DIP2C: variants seen among roughly 807,000 people sequenced by gnomAD.
DIP2C encodes the protein DIP2 acetate--CoA ligase C (putative).
Under a neutral mutation model 192.4 loss-of-function variants are expected in DIP2C, and 33 were observed. That is an observed-to-expected ratio of 0.17 (90% CI 0.13 to 0.23). DIP2C has a LOEUF of 0.23. Ranked by LOEUF, DIP2C falls within the 10% of genes least tolerant of loss-of-function variation. The pLI, the probability that DIP2C is intolerant of heterozygous loss-of-function variation, is 1.00. For synonymous variants in DIP2C, 979 were observed against 864.1 expected (o/e 1.13, Z -2.33); for missense variants, 1,537 against 2,110.1 (o/e 0.73, Z 5.32).
chr10:605,544 C>A (rs1270331066), intron 1 of DIP2C, among the ~76,000 whole-genome samples: 1 of 152,152 alleles, frequency 6.6e-6, no homozygotes, highest in Admixed American at 6.5e-5. Flanking sequence ...CAGCTTAAGC[C>A]GAATCTGTGA....
At chr10:668,278 TA>T (rs1857234930) in intron 1 of DIP2C, 1 of 150,558 alleles carries the variant, frequency 6.6e-6, no homozygotes, top group Non-Finnish European at 1.5e-5. Context: ...TCATACAACA[TA>T]CAACATATAA....
rs538846819 is a variant in DIP2C, at chr10:405,214, C to T, written c.1149+3712G>A. On this transcript the variant is annotated intron_variant, in intron 9 of 36. Coordinates refer to ENST00000280886, the MANE Select transcript of DIP2C (RefSeq NM_014974.3). ...TCCCCACGGCCAGACGGCGATCAGC[C>T]CTCTCCCGAGAAGCACCTCGTGTCT... is the stretch of plus-strand genomic sequence containing the variant. Among the ~76,000 whole-genome samples the T allele has an allele frequency of 2.6e-5, 4 of 152,224 alleles. No homozygotes were observed. The South Asian group carries it at 8.3e-4, about 32-fold the overall frequency.
intron 1 of DIP2C, among the ~76,000 whole-genome samples, chr10:538,010 G>A (rs1847786241): frequency 1.3e-5 from 2 of 152,070 alleles, no homozygotes; most frequent in Admixed American, 6.5e-5. Context: ...ATCTGGTCTT[G>A]AACTCCTGGC....
At chr10:498,984 C>A (rs187748402) in intron 1 of DIP2C, among the ~76,000 whole-genome samples, 1 of 152,220 alleles carries the variant, frequency 6.6e-6, no homozygotes, top group South Asian at 2.1e-4. Context: ...ACTGCTGACT[C>A]GGAGAACAAC....
At chr10:359,354 G>C (rs901430238) in intron 22 of DIP2C, among the ~76,000 whole-genome samples, 1 of 152,136 alleles carries the variant, frequency 6.6e-6, no homozygotes, top group Non-Finnish European at 1.5e-5. Context: ...GAGAAGGCAC[G>C]GCACTTCAGC....
intron 36 of DIP2C, among the ~76,000 whole-genome samples, chr10:278,765 C>T (rs565994218): frequency 6.6e-6 from 1 of 152,292 alleles, no homozygotes; most frequent in African/African-American, 2.4e-5. Context: ...GAAGCAAAAA[C>T]CCGGTGCTTT....
intron 9 of DIP2C, among the ~76,000 whole-genome samples, chr10:406,862 C>T (rs894741800): frequency 1.3e-5 from 2 of 152,112 alleles, no homozygotes; most frequent in African/African-American, 4.8e-5. Flanking sequence ...AGACCCTGCA[C>T]TGGATGGAGC....
chr10:581,414 TAAC>T (rs1381494681), intron 1 of DIP2C, among the ~76,000 whole-genome samples: 5 of 152,184 alleles, frequency 3.3e-5, no homozygotes, highest in African/African-American at 4.8e-5. Context: ...GGAATTTACT[TAAC>T]ATGTTAAGCT....
At chr10:369,149 A>G (rs1960656978) in intron 18 of DIP2C, among the ~76,000 whole-genome samples, 1 of 152,224 alleles carries the variant, frequency 6.6e-6, no homozygotes, top group South Asian at 2.1e-4. Flanking sequence ...CACTCTGGCT[A>G]GTGCCTTAGG....
intron 8 of DIP2C, 70 bp downstream of exon 8, chr10:413,843 G>A (rs775937600): frequency 3.9e-6 from 6 of 1,554,426 alleles, no homozygotes; most frequent in Admixed American, 3.5e-5. Flanking sequence ...AACGGACACT[G>A]AGTTTCCTGC....
chr10:588,767 C>G (rs1851236826), intron 1 of DIP2C, among the ~76,000 whole-genome samples: 1 of 152,190 alleles, frequency 6.6e-6, no homozygotes, highest in Admixed American at 6.5e-5. Flanking sequence ...CCCAGCCTGC[C>G]AGGCTGGTAC....
intron 29 of DIP2C, among the ~76,000 whole-genome samples, chr10:334,430 T>C (rs925772924): frequency 6.6e-6 from 1 of 152,192 alleles, no homozygotes; most frequent in Non-Finnish European, 1.5e-5. Context: ...TTCTGTCTTT[T>C]GATATACAAA....
intron 1 of DIP2C, among the ~76,000 whole-genome samples, chr10:605,264 C>G (rs1055728031): frequency 2.0e-5 from 3 of 152,226 alleles, no homozygotes; most frequent in Admixed American, 2.0e-4. Flanking sequence ...AACTGAAGCT[C>G]TACGACTATC....
intron 1 of DIP2C, among the ~76,000 whole-genome samples, chr10:587,446 G>A (rs568310508): frequency 6.6e-6 from 1 of 152,340 alleles, no homozygotes; most frequent in South Asian, 2.1e-4. Context: ...CACTGCCATA[G>A]GTCACCCCAT....
intron 7 of DIP2C, 136 bp from the exon 8 acceptor site, chr10:414,246 C>T: frequency 8.9e-7 from 1 of 1,119,470 alleles, no homozygotes; most frequent in Non-Finnish European, 1.2e-6. Context: ...GCATGCTTTT[C>T]TAGAATTGGG....
intron 8 of DIP2C, among the ~76,000 whole-genome samples, chr10:409,296 T>C (rs1302972540): frequency 6.6e-6 from 1 of 151,024 alleles, no homozygotes; most frequent in African/African-American, 2.4e-5. Flanking sequence ...CTGATCTGTC[T>C]GTGATGTGGG....
intron 1 of DIP2C, chr10:662,135 T>G (rs1291015559): frequency 2.8e-6 from 2 of 717,304 alleles, no homozygotes; most frequent in African/African-American, 3.5e-5. Flanking sequence ...ACTTCCACAT[T>G]CTGACCCCAA....
At chr10:504,263 G>C (rs988398210) in intron 1 of DIP2C, among the ~76,000 whole-genome samples, 2 of 152,196 alleles carry the variant, frequency 1.3e-5, no homozygotes, top group African/African-American at 4.8e-5. Flanking sequence ...GAGAATAAAG[G>C]CCACGCTGGA....
chr10:577,256 T>C (rs1183695091), intron 1 of DIP2C, among the ~76,000 whole-genome samples: 1 of 152,236 alleles, frequency 6.6e-6, no homozygotes, highest in Non-Finnish European at 1.5e-5. Context: ...AGTCACTGGA[T>C]TTAGAGAACA....
Sources: gnomAD v4.1 joint callset for allele counts (sites outside exome capture counted in the v4.1 genomes callset) on GRCh38, gnomAD v4.1.1 for gene constraint, MANE v1.5 for transcripts, NCBI Gene and HGNC (gene_info 2026-07-23, HGNC 2026-07-21) for gene names.